TSPAN15: variants seen among roughly 807,000 people sequenced by gnomAD.
The protein encoded by TSPAN15 is tetraspanin-15.
TSPAN15 carries 20 observed loss-of-function variants against 34.5 expected under a neutral mutation model. The ratio of observed to expected loss-of-function variants is 0.58; its 90% confidence interval spans 0.41 to 0.84. The LOEUF (loss-of-function observed/expected upper bound fraction) is 0.84. Ranked by LOEUF, TSPAN15 falls within the 40% of genes least tolerant of loss-of-function variation. TSPAN15 has a pLI of 0.00. For missense variants in TSPAN15, 313 were observed against 386.1 expected, an observed-to-expected ratio of 0.81 and a Z score of 1.59; for synonymous variants, 155 against 153.9, an observed-to-expected ratio of 1.01 and a Z score of -0.05.
the TSPAN15 span, among the ~76,000 whole-genome samples, chr10:69,523,998 A>G: frequency 6.7e-6 from 1 of 148,282 alleles, no homozygotes; most frequent in Non-Finnish European, 1.5e-5. Context: ...ATCTACAACT[A>G]GATATATATT....
intron 1 of TSPAN15, among the ~76,000 whole-genome samples, chr10:69,457,804 A>G (rs1377285701): frequency 6.6e-6 from 1 of 152,234 alleles, no homozygotes; most frequent in African/African-American, 2.4e-5. Flanking sequence ...GTTGCTAAGC[A>G]GATTAGATGG....
the TSPAN15 span, among the ~76,000 whole-genome samples, chr10:69,533,768 G>T: frequency 6.6e-6 from 1 of 152,232 alleles, no homozygotes; most frequent in Non-Finnish European, 1.5e-5. Flanking sequence ...AAACAACCTA[G>T]GGCTTGTGAT....
downstream of TSPAN15, among the ~76,000 whole-genome samples, chr10:69,508,915 C>CT (rs1842386893): frequency 6.6e-6 from 1 of 152,246 alleles, no homozygotes; most frequent in African/African-American, 2.4e-5. Flanking sequence ...GCTGCAGCTG[C>CT]TTCTGAAGCT....
intron 3 of TSPAN15, 85 bp from the exon 4 acceptor site, chr10:69,495,509 C>T: frequency 7.1e-6 from 7 of 988,476 alleles, no homozygotes; most frequent in Non-Finnish European, 1.1e-5. Context: ...AAGGCATTCT[C>T]TACCCATCCA....
At chr10:69,530,779 A>ACTCTCTTTCTCTCTCT in the TSPAN15 span, among the ~76,000 whole-genome samples, 16 of 50,032 alleles carry the variant, frequency 3.2e-4, 5 homozygotes, top group South Asian at 1.9e-3. Flanking sequence ...ACAGAGTGAG[A>ACTCTCTTTCTCTCTCT]CTCTCTCTCT....
At chr10:69,512,390 G>A (rs1376003517), downstream of TSPAN15, among the ~76,000 whole-genome samples, 2 of 152,138 alleles carry the variant, frequency 1.3e-5, no homozygotes, top group Non-Finnish European at 2.9e-5. Flanking sequence ...GACTGATTTT[G>A]TATAAAAATG....
the TSPAN15 span, among the ~76,000 whole-genome samples, chr10:69,516,320 A>G: frequency 8.5e-5 from 13 of 152,342 alleles, no homozygotes; most frequent in Admixed American, 3.9e-4. Flanking sequence ...AAGAACCAGG[A>G]TTTGAACCAC....
At chr10:69,521,417 G>A in the TSPAN15 span, among the ~76,000 whole-genome samples, 2 of 146,978 alleles carry the variant, frequency 1.4e-5, 1 homozygote, top group Non-Finnish European at 3.0e-5. Flanking sequence ...GGCTGAGGCG[G>A]GCAGATCGCT....
At chr10:69,478,151 G>C (rs1315301184) in intron 1 of TSPAN15, among the ~76,000 whole-genome samples, 1 of 134,800 alleles carries the variant, frequency 7.4e-6, no homozygotes, top group Non-Finnish European at 1.5e-5. Flanking sequence ...AGAGCAGGTG[G>C]CAGTGTGCAG....
At chr10:69,476,442 A>G (rs1388805130) in intron 1 of TSPAN15, among the ~76,000 whole-genome samples, 1 of 152,078 alleles carries the variant, frequency 6.6e-6, no homozygotes, top group Non-Finnish European at 1.5e-5. Flanking sequence ...CTGTAATCCC[A>G]GCACTTTGGG....
chr10:69,472,489 C>T (rs1841527670), intron 1 of TSPAN15, among the ~76,000 whole-genome samples: 1 of 152,174 alleles, frequency 6.6e-6, no homozygotes, highest in South Asian at 2.1e-4. Flanking sequence ...GACAGAGCTC[C>T]TTGAGGACAG....
intron 5 of TSPAN15, among the ~76,000 whole-genome samples, 190 bp downstream of exon 5, chr10:69,498,586 G>C (rs1842139590): frequency 6.6e-6 from 1 of 152,182 alleles, no homozygotes; most frequent in Non-Finnish European, 1.5e-5. Flanking sequence ...GGGGTCGGGG[G>C]TAGGGAGACC....
the TSPAN15 span, among the ~76,000 whole-genome samples, chr10:69,545,344 AG>A: frequency 9.9e-5 from 15 of 152,160 alleles, no homozygotes; most frequent in African/African-American, 3.6e-4. Flanking sequence ...TGATCTCCCC[AG>A]GCCATCTCTG....
chr10:69,530,816 CTCTCTATATATATATATATATATA>C, the TSPAN15 span, among the ~76,000 whole-genome samples: 150 of 52,412 alleles, frequency 2.9e-3, 2 homozygotes, highest in African/African-American at 8.5e-3. Context: ...CTCTCTCTCT[CTCTCTATATATATATATATATATA>C]TATATATATA....
At chr10:69,492,331 C>T (rs995874742) in intron 3 of TSPAN15, among the ~76,000 whole-genome samples, 27 of 152,302 alleles carry the variant, frequency 1.8e-4, no homozygotes, top group Middle Eastern at 6.8e-3. Flanking sequence ...GCTTGCCTCA[C>T]GGGATCTTCT....
At chr10:69,526,636 A>C in the TSPAN15 span, among the ~76,000 whole-genome samples, 7 of 147,476 alleles carry the variant, frequency 4.7e-5, 1 homozygote, top group Non-Finnish European at 1.0e-4. Flanking sequence ...CTACAAAAAT[A>C]AAAGTTAGCC....
In TSPAN15 at chr10:69,462,172, T is replaced by TTTG. The variant is rs1841281904; in HGVS notation, c.96+10484_96+10485insGTT. ...ATTTTAAAGTTTTTTTTTTTTTTTT[T>TTTG]TTTTTTTTTGTAGAAATAGTGTCTC... is the stretch of plus-strand genomic sequence containing the variant. On this transcript the variant is annotated intron_variant, in intron 1 of 7. Coordinates refer to ENST00000373290, the MANE Select transcript of TSPAN15 (RefSeq NM_012339.5). Among the ~76,000 whole-genome samples the TTTG allele has an allele frequency of 3.4e-5, 5 of 145,972 alleles. 1 individual carries two copies. The highest frequency in any genetic ancestry group is 7.6e-5 in the Non-Finnish European group (5 of 65,974).
In TSPAN15 at chr10:69,506,138, G is replaced by A. The variant is rs760361673; in HGVS notation, c.633G>A (p.Gln211=). The A allele has an allele frequency of 1.9e-6, 3 of 1,614,078 alleles. No individual in the cohort carries two copies. The highest frequency in any genetic ancestry group is 2.5e-6 in the Non-Finnish European group (3 of 1,179,964). ...TTCCCATGCAGCGTTTCAGTGTGCAGGATGTCATCTACGTGCGGGGCTGCA... is the reference window on the plus strand; with the variant it reads ...TTCCCATGCAGCGTTTCAGTGTGCAAGATGTCATCTACGTGCGGGGCTGCA... ...KTIDKERFSV[Q]DVIYVRGCTN... is the part of the protein sequence containing the mutation. Residue 211 remains glutamine, a synonymous_variant, in exon 7 of 8, where the codon CAG becomes CAA. Coordinates refer to ENST00000373290, the MANE Select transcript of TSPAN15 (RefSeq NM_012339.5). This position sits in a 1 kb window ranked among gnomAD's most constrained non-coding sequence, Gnocchi z 4.7.
rs749957203 is a variant in TSPAN15 at position 69,455,590 on chromosome 10, C to CTCTTTCTTTCTTTCTTTCTT, written c.96+3919_96+3920insTTCTTTCTTTCTTTCTTTCT. Among the ~76,000 whole-genome samples, 48 of 106,862 alleles carry CTCTTTCTTTCTTTCTTTCTT rather than the reference C, an allele frequency of 4.5e-4. 2 individuals carry two copies. The highest frequency in any genetic ancestry group is 4.4e-3 in the Middle Eastern group (1 of 226). The allele number at this position is 106,862 out of a possible 152,430, so 70.1% of individuals were successfully genotyped here. The stretch of plus-strand genomic sequence containing the variant: ...TTCTTTCTCTTTTCTTTCTTTCTTT[C>CTCTTTCTTTCTTTCTTTCTT]TCTTTCTTTCTTTCTTTCTCTCTCT... On this transcript the variant is annotated intron_variant, in intron 1 of 7. Coordinates refer to ENST00000373290, the MANE Select transcript of TSPAN15 (RefSeq NM_012339.5).
Sources: allele counts gnomAD v4.1 joint callset (sites outside exome capture counted in the v4.1 genomes callset), GRCh38; gene constraint gnomAD v4.1.1; non-coding constraint Gnocchi (gnomAD v3.1); transcripts MANE v1.5; gene names NCBI Gene and HGNC (gene_info 2026-07-23, HGNC 2026-07-21).